PLEKHA6: variants seen among roughly 807,000 people sequenced by gnomAD.
PLEKHA6 encodes pleckstrin homology domain containing A6, also known as pleckstrin homology domain-containing family A member 6.
Under a neutral mutation model 116.7 loss-of-function variants are expected in PLEKHA6, and 60 were observed. The ratio of observed to expected loss-of-function variants is 0.51; its 90% CI spans 0.42 to 0.64. PLEKHA6 has a LOEUF of 0.64. Ranked by LOEUF, PLEKHA6 falls within the 30% of genes least tolerant of loss-of-function variation. PLEKHA6 has a pLI of 0.00. For missense variants in PLEKHA6, 1,338 were observed against 1,422.7 expected, an observed-to-expected ratio of 0.94 and a Z score of 0.96; for synonymous variants, 489 against 556.1, an observed-to-expected ratio of 0.88 and a Z score of 1.70.
intron 18 of PLEKHA6, 67 bp from the exon 19 acceptor site, chr1:204,229,171 C>A: frequency 6.7e-7 from 1 of 1,496,524 alleles, no homozygotes. Flanking sequence ...TAGCTATGCC[C>A]TGTCCTCGCT....
chr1:204,255,249 C>A (rs895838551), intron 9 of PLEKHA6, among the ~76,000 whole-genome samples: 2 of 152,162 alleles, frequency 1.3e-5, no homozygotes, highest in African/African-American at 4.8e-5. Flanking sequence ...TCAGGCTGAA[C>A]TAAATCCCTA....
intron 1 of PLEKHA6, among the ~76,000 whole-genome samples, chr1:204,296,922 G>T (rs1670342724): frequency 6.6e-6 from 1 of 152,182 alleles, no homozygotes; most frequent in African/African-American, 2.4e-5. Context: ...AGAGTGAAGG[G>T]GAGCAGAAAG....
chr1:204,286,781 T>C (rs1414242251), intron 1 of PLEKHA6, among the ~76,000 whole-genome samples: 2 of 151,944 alleles, frequency 1.3e-5, no homozygotes, highest in African/African-American at 2.4e-5. Context: ...TAGTCACATT[T>C]GTGGCTGACT....
intron 1 of PLEKHA6, among the ~76,000 whole-genome samples, chr1:204,309,373 G>A (rs1671569481): frequency 6.6e-6 from 1 of 152,204 alleles, no homozygotes; most frequent in South Asian, 2.1e-4. Flanking sequence ...CGCCGCATAA[G>A]GTCGTTCTGG....
At chr1:204,253,845 A>AAAAAAC (rs1558070205) in intron 9 of PLEKHA6, among the ~76,000 whole-genome samples, 13 of 147,696 alleles carry the variant, frequency 8.8e-5, no homozygotes, top group African/African-American at 3.2e-4. Context: ...AAAAAAAAAA[A>AAAAAAC]AAAAACAAAA....
Position 204,245,628 on chromosome 1 carries a change from G to C in PLEKHA6, c.2019C>G (p.Thr673=), listed in dbSNP as rs201424984. 6.2e-7 allele frequency: 1 copy of C among 1,608,328 alleles called. No individual in the cohort carries two copies. Among genetic ancestry groups the C allele is most frequent in the African/African-American group, 1.3e-5 (1 of 74,782 alleles). ...RKNNPSRGTD[T]AKHRGGLGPS... Reference sequence around the variant, plus strand: ...GGAGGCACCCACCTCTGTGCTTGGCGGTGTCCGTGCCCCGGGAGGGGTTGT... The same window carrying C: ...GGAGGCACCCACCTCTGTGCTTGGCCGTGTCCGTGCCCCGGGAGGGGTTGT... The change falls in exon 14 of 23, where the codon ACC becomes ACG. Residue 673 remains threonine (T), a synonymous_variant. Coordinates refer to ENST00000272203, the MANE Select transcript of PLEKHA6 (RefSeq NM_014935.5).
chr1:204,256,920 G>A (rs1020383328), intron 9 of PLEKHA6: 1 of 606,884 alleles, frequency 1.6e-6, no homozygotes, highest in Non-Finnish European at 3.0e-6. Flanking sequence ...GAGGTGAGGG[G>A]TCTGGCTGGG....
chr1:204,268,315 G>T lies in PLEKHA6; in HGVS notation c.103-3C>A. ...GCTTTGCGGGCTGTGCGAGTTGCCT[G>T]GGGGCAGAGAGAGAAGCTGATCTAG... On this transcript the variant is annotated splice_region_variant and splice_polypyrimidine_tract_variant and intron_variant, in intron 3 of 22. Transcript: ENST00000272203. The T allele has an allele frequency of 6.2e-7, 1 of 1,600,316 alleles. No homozygotes were observed. The highest frequency in any genetic ancestry group is 8.5e-7 in the Non-Finnish European group (1 of 1,172,424).
rs1341452255 is a variant in PLEKHA6 at position 204,359,684 on chromosome 1, A to G, written c.-95+10T>C. The G allele has an allele frequency of 1.0e-6, 1 of 980,722 alleles. No homozygotes were observed. The highest frequency in any genetic ancestry group is 1.2e-6 in the Non-Finnish European group (1 of 825,852). 60.8% of individuals were successfully genotyped at this position (980,722 alleles called of 1,614,324 possible). On this transcript the variant is annotated intron_variant, in intron 1 of 22. Transcript: ENST00000272203. ...CACCTCATCTATGTGATGCATGAAAACAGACTCACCGGCTTCTGAGGTGTG... is the reference window on the plus strand; with the variant it reads ...CACCTCATCTATGTGATGCATGAAAGCAGACTCACCGGCTTCTGAGGTGTG...
chr1:204,345,992 G>A (rs1271745223), intron 1 of PLEKHA6, among the ~76,000 whole-genome samples: 1 of 152,244 alleles, frequency 6.6e-6, no homozygotes, highest in Admixed American at 6.5e-5. Flanking sequence ...GAGAATGAGC[G>A]AAGCTCACCC....
chr1:204,345,991 C>T (rs892186879), intron 1 of PLEKHA6, among the ~76,000 whole-genome samples: 1 of 152,226 alleles, frequency 6.6e-6, no homozygotes, highest in Non-Finnish European at 1.5e-5. Flanking sequence ...AGAGAATGAG[C>T]GAAGCTCACC....
intron 21 of PLEKHA6, among the ~76,000 whole-genome samples, chr1:204,225,609 A>G (rs913088684): frequency 3.3e-5 from 5 of 152,248 alleles, no homozygotes; most frequent in South Asian, 2.1e-4. Context: ...GGAAAAGCCA[A>G]TCACACATAA....
rs201251163 is a variant in PLEKHA6 at position 204,348,724 on chromosome 1, C to T, written c.-95+10970G>A. On this transcript the variant is annotated intron_variant, in intron 1 of 22. Coordinates refer to ENST00000272203, the MANE Select transcript of PLEKHA6 (RefSeq NM_014935.5). Reference sequence around the variant, plus strand: ...GCCCCCAGGTGCCAAACCCCCCCCCCGCCATCTCCCCCACCCTGCTGACCT... The same window carrying T: ...GCCCCCAGGTGCCAAACCCCCCCCCTGCCATCTCCCCCACCCTGCTGACCT... Among the ~76,000 whole-genome samples the T allele has an allele frequency of 4.7e-3, 625 of 133,304 alleles. 2 individuals are homozygous for T. Among genetic ancestry groups the T allele is most frequent in the Non-Finnish European group, 7.9e-3 (487 of 61,368 alleles). The allele number at this position is 133,304 out of a possible 152,430, so 87.5% of individuals were successfully genotyped here.
chr1:204,303,294 C>T (rs1670994542), intron 1 of PLEKHA6, among the ~76,000 whole-genome samples: 1 of 152,186 alleles, frequency 6.6e-6, no homozygotes, highest in African/African-American at 2.4e-5. Flanking sequence ...CTCACCCTCT[C>T]CCCACAGTTG....
intron 1 of PLEKHA6, among the ~76,000 whole-genome samples, chr1:204,293,085 G>A (rs1389525589): frequency 6.6e-6 from 1 of 152,158 alleles, no homozygotes; most frequent in Non-Finnish European, 1.5e-5. Flanking sequence ...CACTGTGGGA[G>A]TGGGGGAGGG....
At chr1:204,260,698 A>G (rs145980677) in intron 7 of PLEKHA6, among the ~76,000 whole-genome samples, 1 of 152,264 alleles carries the variant, frequency 6.6e-6, no homozygotes, top group Non-Finnish European at 1.5e-5. Context: ...GATCCCCCTT[A>G]GCACCTAACT....
chr1:204,265,065 A>C, intron 5 of PLEKHA6, 23 bp from the exon 6 acceptor site: 2 of 1,491,130 alleles, frequency 1.3e-6, no homozygotes, highest in African/African-American at 1.5e-5. Flanking sequence ...GAGGCACAAG[A>C]AGGGTGTGTG....
At chr1:204,298,735 A>C (rs1198119207) in intron 1 of PLEKHA6, among the ~76,000 whole-genome samples, 1 of 152,244 alleles carries the variant, frequency 6.6e-6, no homozygotes, top group Non-Finnish European at 1.5e-5. Flanking sequence ...GGAAATAACC[A>C]TGTGCCTAAA....
intron 1 of PLEKHA6, among the ~76,000 whole-genome samples, chr1:204,316,499 G>T (rs1671865534): frequency 1.3e-5 from 2 of 152,196 alleles, no homozygotes; most frequent in African/African-American, 4.8e-5. Flanking sequence ...GATATGTGGG[G>T]GTAGGGTTCA....
Sources: allele counts gnomAD v4.1 joint callset (sites outside exome capture counted in the v4.1 genomes callset), GRCh38; gene constraint gnomAD v4.1.1; transcripts MANE v1.5; gene names NCBI Gene and HGNC (gene_info 2026-07-23, HGNC 2026-07-21).